Variants in CGRRF1 observed in about 807,000 individuals in gnomAD.
The protein encoded by CGRRF1 is cell growth regulator with ring finger domain 1.
In CGRRF1, 32 loss-of-function variants were observed where a neutral mutation model predicts 37.2. The observed-to-expected ratio is 0.86, with a 90% CI of 0.65 to 1.16. The LOEUF (loss-of-function observed/expected upper bound fraction) is 1.16, where lower values mean the gene tolerates loss of function less well. CGRRF1 is among the 50% of genes most tolerant of loss of function. The pLI, the probability that CGRRF1 is intolerant of heterozygous loss-of-function variation, is 0.00. For synonymous variants in CGRRF1, 141 were observed against 140.3 expected (o/e 1.00, Z -0.04); for missense variants, 391 against 382.6 (o/e 1.02, Z -0.18).
chr14:54,510,282 G>A (rs756553646), intron 1 of CGRRF1: 13 of 569,278 alleles, frequency 2.3e-5, no homozygotes, highest in Admixed American at 2.3e-4. Flanking sequence ...GTGTCGCTGG[G>A]GCATCTTGGG....
intron 1 of CGRRF1, among the ~76,000 whole-genome samples, chr14:54,513,735 G>A (rs2032169988): frequency 6.6e-6 from 1 of 152,096 alleles, no homozygotes; most frequent in Non-Finnish European, 1.5e-5. Flanking sequence ...GGAGGCTGAG[G>A]CAGGAAGACT....
intron 1 of CGRRF1, among the ~76,000 whole-genome samples, chr14:54,513,740 A>G (rs1459166711): frequency 1.3e-5 from 2 of 152,122 alleles, no homozygotes; most frequent in Admixed American, 6.6e-5. Context: ...CTGAGGCAGG[A>G]AGACTGTTTG....
rs2032643130 is a variant in CGRRF1 at position 54,538,700 on chromosome 14, TGAG to T, written c.*322_*324del. The T allele has an allele frequency of 1.0e-5, 2 of 195,466 alleles. No individual in the cohort carries two copies. Among genetic ancestry groups the T allele is most frequent in the East Asian group, 1.3e-4 (1 of 7,642 alleles). The allele number at this position is 195,466 out of a possible 1,614,324, so 12.1% of individuals were successfully genotyped here. A position where few individuals can be genotyped will look rare whatever the true frequency, so the allele number is the denominator to read the frequency against. On this transcript the variant is annotated 3_prime_UTR_variant, in exon 6 of 6. Transcript: ENST00000216420. ...TCTGAAAGGCAATCCATTGAAAATT[TGAG>T]GAGGTTAAATTCTTAAGATCACTAA... is the stretch of plus-strand genomic sequence containing the variant.
At position 54,522,656 on chromosome 14, in the gene CGRRF1, T is replaced by G. The variant is rs893410258; in HGVS notation, c.244+63T>G. 2.0e-5 allele frequency: 28 copies of G among 1,426,366 alleles called. No homozygotes were observed. In the African/African-American group the frequency reaches 3.6e-4, roughly 18 times the overall value. 88.4% of individuals were successfully genotyped at this position (1,426,366 alleles called of 1,614,324 possible). A position where few individuals can be genotyped will look rare whatever the true frequency, so the allele number is the denominator to read the frequency against. On this transcript the variant is annotated intron_variant, in intron 2 of 5. Coordinates refer to ENST00000216420, the MANE Select transcript of CGRRF1 (RefSeq NM_006568.3). ...TGCCCTCTTTTTTTAGCCCTTTTAT[T>G]TTCTTTCTCTATTTCTTTCCCTTCA...
At chr14:54,519,280 C>T (rs2032274016) in intron 1 of CGRRF1, among the ~76,000 whole-genome samples, 2 of 152,068 alleles carry the variant, frequency 1.3e-5, no homozygotes, top group East Asian at 1.9e-4. Flanking sequence ...CTGTGTTGCC[C>T]AGGCTGGAGT....
chr14:54,527,687 AAAC>A (rs1340943734), intron 2 of CGRRF1, among the ~76,000 whole-genome samples: 2 of 152,004 alleles, frequency 1.3e-5, no homozygotes, highest in African/African-American at 4.8e-5. Flanking sequence ...CAAAGCAAAT[AAAC>A]AGGGTAGTTT....
intron 3 of CGRRF1, 194 bp downstream of exon 3, chr14:54,530,420 G>A (rs2032493260): frequency 4.2e-6 from 3 of 716,484 alleles, no homozygotes; most frequent in Middle Eastern, 4.3e-4. Context: ...CCTTTCATCT[G>A]ATATACCCAT....
At chr14:54,537,992 C>T in intron 5 of CGRRF1, 71 bp from the exon 6 acceptor site, 1 of 1,454,664 alleles carries the variant, frequency 6.9e-7, no homozygotes, top group Non-Finnish European at 9.1e-7. Context: ...TAAGCCGCTT[C>T]TTATGACCCC....
chr14:54,536,767 A>C (rs2032607693), intron 4 of CGRRF1: 1 of 152,158 alleles, frequency 6.6e-6, no homozygotes, highest in South Asian at 2.1e-4. Flanking sequence ...AATTTGTGAC[A>C]CACCTTGTGA....
chr14:54,517,263 T>G (rs1251887911), intron 1 of CGRRF1, among the ~76,000 whole-genome samples: 3 of 152,230 alleles, frequency 2.0e-5, no homozygotes, highest in South Asian at 4.1e-4. Context: ...CTGGATATTT[T>G]TGTATTCCTC....
At chr14:54,518,028 T>G (rs983937649) in intron 1 of CGRRF1, among the ~76,000 whole-genome samples, 9 of 152,240 alleles carry the variant, frequency 5.9e-5, no homozygotes, top group Non-Finnish European at 1.5e-5. Flanking sequence ...CTATCACTAA[T>G]GGGCATTTGG....
At chr14:54,515,562 G>A (rs1297250344) in intron 1 of CGRRF1, among the ~76,000 whole-genome samples, 1 of 152,060 alleles carries the variant, frequency 6.6e-6, no homozygotes, top group Non-Finnish European at 1.5e-5. Context: ...CTTGGCAGTT[G>A]TATCAGTTTT....
At chr14:54,529,214 A>G (rs1045856175) in intron 2 of CGRRF1, among the ~76,000 whole-genome samples, 1 of 151,970 alleles carries the variant, frequency 6.6e-6, no homozygotes, top group Non-Finnish European at 1.5e-5. Flanking sequence ...TACAGTTTGC[A>G]CCCCCAGCAG....
At chr14:54,531,434 T>C (rs1263164825) in intron 4 of CGRRF1, among the ~76,000 whole-genome samples, 2 of 152,176 alleles carry the variant, frequency 1.3e-5, no homozygotes, top group East Asian at 1.9e-4. Context: ...ATAAAAGATA[T>C]ATAATGGTTG....
chr14:54,522,687 C>G, intron 2 of CGRRF1, 94 bp downstream of exon 2: 1 of 1,190,838 alleles, frequency 8.4e-7, no homozygotes, highest in Non-Finnish European at 1.2e-6. Context: ...CTTCATTAGA[C>G]TTTTAACAAA....
At chr14:54,523,445 C>T (rs1214410823) in intron 2 of CGRRF1, among the ~76,000 whole-genome samples, 2 of 151,942 alleles carry the variant, frequency 1.3e-5, no homozygotes, top group Non-Finnish European at 2.9e-5. Flanking sequence ...GAAAGAGATG[C>T]TTAAATTTGT....
chr14:54,528,326 T>A (rs992823430), intron 2 of CGRRF1, among the ~76,000 whole-genome samples: 2 of 151,914 alleles, frequency 1.3e-5, no homozygotes, highest in African/African-American at 4.8e-5. Context: ...TAATAGCTTC[T>A]TAGTACTTTA....
At position 54,530,788 on chromosome 14, in the gene CGRRF1, T is replaced by C; in HGVS notation, c.423-115T>C. 4 of 952,366 alleles carry C rather than the reference T, an allele frequency of 4.2e-6. No individual in the cohort carries two copies. The South Asian group carries it at 6.2e-5, about 15-fold the overall frequency. The allele number at this position is 952,366 out of a possible 1,614,324, so 59.0% of individuals were successfully genotyped here. A position where few individuals can be genotyped will look rare whatever the true frequency, so the allele number is the denominator to read the frequency against. On this transcript the variant is annotated intron_variant, in intron 3 of 5. Coordinates refer to ENST00000216420, the MANE Select transcript of CGRRF1 (RefSeq NM_006568.3). ...TGTATCCTTTTATCTGATATACCCA[T>C]TAGCACTGAAAATTAGACTTCTTAT...
Position 54,538,268 on chromosome 14 carries a change from G to A in CGRRF1, c.884G>A (p.Cys295Tyr). Residue 295 changes from cysteine (C) to tyrosine (Y), a missense_variant, in exon 6 of 6, where the codon TGT becomes TAT. Transcript: ENST00000216420. ...TTACCATGCAGACACACATGCCTGT[G>A]TGATGGCTGTGTGAAGTATTTTCAG... ...VLLPCRHTCL[C>Y]DGCVKYFQQC... 1 of 1,614,150 alleles carries A rather than the reference G, an allele frequency of 6.2e-7. No individual in the cohort carries two copies. Among genetic ancestry groups the A allele is most frequent in the African/African-American group, 1.3e-5 (1 of 75,058 alleles).
Sources: allele counts gnomAD v4.1 joint callset (sites outside exome capture counted in the v4.1 genomes callset), GRCh38; gene constraint gnomAD v4.1.1; transcripts MANE v1.5; gene names NCBI Gene and HGNC (gene_info 2026-07-23, HGNC 2026-07-21).